The following DIP2C variants were observed in gnomAD, a reference collection of about 807,000 sequenced individuals.
DIP2C encodes DIP2 acetate--CoA ligase C (putative), also known as disco-interacting protein 2 homolog C.
DIP2C carries 33 observed loss-of-function variants against 192.4 expected under a neutral mutation model. The observed-to-expected ratio is 0.17, with a 90% CI of 0.13 to 0.23. The LOEUF (loss-of-function observed/expected upper bound fraction) is 0.23. Ranked by LOEUF, DIP2C falls within the 10% of genes least tolerant of loss-of-function variation. The pLI is 1.00. For missense variants in DIP2C, 1,537 were observed against 2,110.1 expected, an observed-to-expected ratio of 0.73 and a Z score of 5.32; for synonymous variants, 979 against 864.1, an observed-to-expected ratio of 1.13 and a Z score of -2.33.
At chr10:434,325 G>T (rs1019436187) in intron 4 of DIP2C, among the ~76,000 whole-genome samples, 1 of 152,090 alleles carries the variant, frequency 6.6e-6, no homozygotes, top group Admixed American at 6.5e-5. Flanking sequence ...GTTGCCCAGG[G>T]TGGAGTAGAG....
chr10:512,815 G>A (rs2130779702), intron 1 of DIP2C, among the ~76,000 whole-genome samples: 1 of 151,380 alleles, frequency 6.6e-6, no homozygotes, highest in East Asian at 2.0e-4. Context: ...TAGGGAGGCT[G>A]AGGGAGGAGA....
chr10:599,338 C>T (rs1851912099), intron 1 of DIP2C, among the ~76,000 whole-genome samples: 1 of 152,188 alleles, frequency 6.6e-6, no homozygotes, highest in East Asian at 1.9e-4. Context: ...GTGAGTTTCT[C>T]CTATTATCCA....
At position 689,422 on chromosome 10, in the gene DIP2C, G is replaced by A. The variant is rs905313230; in HGVS notation, c.85+72C>T. ...CGGCCCCCGCCCCGCCGCAGGCCCC[G>A]CGCCCCCAGCCCTCCGCGCGCGGCC... On this transcript the variant is annotated intron_variant, in intron 1 of 36. Transcript: ENST00000280886. The surrounding 1 kb of genome is among the most constrained non-coding windows in gnomAD (Gnocchi z 6.1). The A allele has an allele frequency of 6.7e-6, 6 of 898,812 alleles. No homozygotes were observed. Among genetic ancestry groups the A allele is most frequent in the Non-Finnish European group, 6.7e-6 (5 of 748,422 alleles). The allele number at this position is 898,812 out of a possible 1,614,324, so 55.7% of individuals were successfully genotyped here.
chr10:304,913 GCA>G (rs1268312552), intron 32 of DIP2C, among the ~76,000 whole-genome samples: 2 of 152,084 alleles, frequency 1.3e-5, no homozygotes, highest in East Asian at 3.9e-4. Flanking sequence ...GTACTCGTGT[GCA>G]CAAATATCTG....
At chr10:330,582 T>C (rs1957460093) in intron 29 of DIP2C, among the ~76,000 whole-genome samples, 1 of 151,758 alleles carries the variant, frequency 6.6e-6, no homozygotes, top group African/African-American at 2.4e-5. Flanking sequence ...CACCTCAAAC[T>C]CCTGGGCTCC....
intron 14 of DIP2C, among the ~76,000 whole-genome samples, chr10:386,418 C>T (rs574959835): frequency 6.6e-6 from 1 of 152,314 alleles, no homozygotes; most frequent in South Asian, 2.1e-4. Flanking sequence ...GTCCTCCAAT[C>T]CCAAAGCAGG....
intron 1 of DIP2C, among the ~76,000 whole-genome samples, chr10:615,345 G>A (rs543918774): frequency 5.3e-5 from 8 of 152,284 alleles, no homozygotes; most frequent in African/African-American, 1.4e-4. Flanking sequence ...TGCAAGGAGG[G>A]CCTGGAAACT....
chr10:276,723 A>ACG lies in DIP2C; in HGVS notation c.*601_*602insCG, dbSNP rs1954537880. 1.3e-5 allele frequency: 2 copies of ACG among 152,804 alleles called. No individual in the cohort carries two copies. Among genetic ancestry groups the ACG allele is most frequent in the African/African-American group, 4.8e-5 (2 of 41,460 alleles). 9.5% of individuals were successfully genotyped at this position (152,804 alleles called of 1,614,324 possible). A position where few individuals can be genotyped will look rare whatever the true frequency, so the allele number is the denominator to read the frequency against. On this transcript the variant is annotated 3_prime_UTR_variant, in exon 37 of 37. Coordinates refer to ENST00000280886, the MANE Select transcript of DIP2C (RefSeq NM_014974.3). ...TTCTTCTCATTCTATACTAACTTCG[A>ACG]AGGCCGTATACCAGCCTTTGTTTCT...
intron 3 of DIP2C, among the ~76,000 whole-genome samples, chr10:462,711 C>G (rs7074376): frequency 0.89 from 135,637 of 152,194 alleles, 62,063 homozygotes; most frequent in East Asian, 0.99. Flanking sequence ...ACCTGGCAGA[C>G]ACACAACAAA....
intron 32 of DIP2C, among the ~76,000 whole-genome samples, chr10:299,202 AG>A (rs1955900868): frequency 6.6e-6 from 1 of 152,220 alleles, no homozygotes; most frequent in African/African-American, 2.4e-5. Flanking sequence ...CATCAAGGTA[AG>A]TGTGGATTTC....
chr10:529,254 C>G lies in DIP2C; in HGVS notation c.86-42724G>C, dbSNP rs138983191. Among the ~76,000 whole-genome samples, 148 of 152,310 alleles carry G rather than the reference C, an allele frequency of 9.7e-4. 2 individuals carry two copies. Among genetic ancestry groups the G allele is most frequent in the African/African-American group, 3.5e-3 (145 of 41,566 alleles). On this transcript the variant is annotated intron_variant, in intron 1 of 36. Transcript: ENST00000280886. Reference sequence around the variant, plus strand: ...AGTGAGCACTTATGGACTGGGTATTCACGTAAAATACTGCTTAACTAAAAC... The same window carrying G: ...AGTGAGCACTTATGGACTGGGTATTGACGTAAAATACTGCTTAACTAAAAC...
At chr10:336,493 G>C (rs1023938765) in intron 29 of DIP2C, among the ~76,000 whole-genome samples, 1 of 152,188 alleles carries the variant, frequency 6.6e-6, no homozygotes, top group Non-Finnish European at 1.5e-5. Context: ...GCATCTTAGA[G>C]ATGAAGCCTA....
intron 1 of DIP2C, among the ~76,000 whole-genome samples, chr10:561,671 TC>T (rs1469964762): frequency 1.3e-5 from 2 of 151,832 alleles, no homozygotes; most frequent in Non-Finnish European, 2.9e-5. Context: ...GAAGGCCACC[TC>T]CCCAGGAAGG....
At chr10:431,549 A>G (rs1966855747) in intron 4 of DIP2C, among the ~76,000 whole-genome samples, 1 of 152,134 alleles carries the variant, frequency 6.6e-6, no homozygotes, top group African/African-American at 2.4e-5. Flanking sequence ...GGCCTCCCAA[A>G]TTGCTGGAAT....
At chr10:568,562 T>C (rs1257420010) in intron 1 of DIP2C, among the ~76,000 whole-genome samples, 1 of 151,656 alleles carries the variant, frequency 6.6e-6, no homozygotes, top group African/African-American at 2.4e-5. Context: ...GGTCAGGAGA[T>C]CGAGACCATC....
At chr10:414,884 G>A (rs966949002) in intron 7 of DIP2C, among the ~76,000 whole-genome samples, 2 of 64,068 alleles carry the variant, frequency 3.1e-5, no homozygotes, top group Non-Finnish European at 6.8e-5. Context: ...GTGTGTGTGT[G>A]TGTGTGTATA....
chr10:349,396 G>A lies in DIP2C; in HGVS notation c.3044C>T (p.Ala1015Val). Reference sequence around the variant, plus strand: ...GTGGCCCCTCTCCATCAGCATCACGGCGATCTTCTCAGCTCTCTTGTGCAG... The same window carrying A: ...GTGGCCCCTCTCCATCAGCATCACGACGATCTTCTCAGCTCTCTTGTGCAG... ...VQLHKRAEKIAVMLMERGHLQ... is the reference protein window; with the variant it reads ...VQLHKRAEKIVVMLMERGHLQ... Residue 1015 changes from alanine (A) to valine (V), a missense_variant, in exon 25 of 37, where the codon GCC becomes GTC. Around this residue, in one of 4 missense-constraint regions of DIP2C, gnomAD observed 677 missense variants for 989.9 expected, o/e 0.68. Coordinates refer to ENST00000280886, the MANE Select transcript of DIP2C (RefSeq NM_014974.3). The A allele has an allele frequency of 1.2e-6, 2 of 1,611,462 alleles. No individual in the cohort carries two copies.
chr10:326,394 T>C (rs950684086), intron 31 of DIP2C, among the ~76,000 whole-genome samples: 8 of 150,316 alleles, frequency 5.3e-5, no homozygotes, highest in Admixed American at 1.3e-4. Context: ...GGATAGGGGG[T>C]GGGGAGAGGG....
intron 1 of DIP2C, among the ~76,000 whole-genome samples, chr10:579,634 T>C (rs185332406): frequency 1.3e-5 from 2 of 152,224 alleles, no homozygotes; most frequent in Admixed American, 6.5e-5. Flanking sequence ...CTGTAACATG[T>C]ACATGCATAG....
Sources: gnomAD v4.1 joint callset for allele counts (sites outside exome capture counted in the v4.1 genomes callset) on GRCh38, gnomAD v4.1.1 for gene constraint, gnomAD v4.1.1 regional missense constraint, Gnocchi (gnomAD v3.1) non-coding constraint, MANE v1.5 for transcripts, NCBI Gene and HGNC (gene_info 2026-07-23, HGNC 2026-07-21) for gene names.